The following ATP2B2 variants were observed in gnomAD, a reference collection of about 807,000 sequenced individuals.
The protein encoded by ATP2B2 is plasma membrane calcium-transporting ATPase 2.
A neutral mutation model predicts 120.0 loss-of-function variants in ATP2B2; 15 were observed. That is an observed-to-expected ratio of 0.12 (90% confidence interval 0.08 to 0.19). ATP2B2 has a LOEUF of 0.19. Among genes scored for constraint, ATP2B2 ranks in the 10% least tolerant of loss-of-function variants. The pLI, the probability that ATP2B2 is intolerant of heterozygous loss-of-function variation, is 1.00. For missense variants in ATP2B2, 1,045 were observed against 1,719.8 expected (o/e 0.61, Z 6.94); for synonymous variants, 694 against 700.3 (o/e 0.99, Z 0.14).
At chr3:10,662,315 T>A (rs1365471514) in intron 1 of ATP2B2, among the ~76,000 whole-genome samples, 1 of 151,702 alleles carries the variant, frequency 6.6e-6, no homozygotes, top group East Asian at 1.9e-4. Flanking sequence ...ACCTACAGAA[T>A]GGGAAAAAAT....
intron 2 of ATP2B2, among the ~76,000 whole-genome samples, chr3:10,541,050 AG>A (rs2067428164): frequency 6.6e-6 from 1 of 152,108 alleles, no homozygotes; most frequent in Admixed American, 6.6e-5. Flanking sequence ...TTATATGTGC[AG>A]AGTTGTTCAT....
At chr3:10,664,650 G>A (rs993061879) in intron 1 of ATP2B2, among the ~76,000 whole-genome samples, 2 of 152,140 alleles carry the variant, frequency 1.3e-5, no homozygotes, top group African/African-American at 4.8e-5. Context: ...CCTGGGATCT[G>A]GGTCTGTTGG....
chr3:10,383,190 G>A (rs2061580251), intron 8 of ATP2B2, among the ~76,000 whole-genome samples: 1 of 151,464 alleles, frequency 6.6e-6, no homozygotes, highest in African/African-American at 2.4e-5. Flanking sequence ...GAGCTCCCAG[G>A]TGATGTGCAG....
At chr3:10,431,710 T>C (rs1199465731) in intron 2 of ATP2B2, among the ~76,000 whole-genome samples, 2 of 151,548 alleles carry the variant, frequency 1.3e-5, no homozygotes, top group Non-Finnish European at 2.9e-5. Context: ...GTCTAGCACA[T>C]AGTAGGTGCT....
At chr3:10,501,029 C>G (rs987014817) in intron 1 of ATP2B2, among the ~76,000 whole-genome samples, 2 of 152,198 alleles carry the variant, frequency 1.3e-5, no homozygotes, top group Non-Finnish European at 2.9e-5. Flanking sequence ...ATGAGCCGGC[C>G]TGGGACCCAG....
chr3:10,374,535 G>A (rs1348302460), intron 11 of ATP2B2, among the ~76,000 whole-genome samples: 7 of 152,228 alleles, frequency 4.6e-5, no homozygotes. Flanking sequence ...ACATGGCCAC[G>A]CCTCCACCCT....
intron 2 of ATP2B2, among the ~76,000 whole-genome samples, chr3:10,441,150 T>G (rs2063650183): frequency 6.6e-6 from 1 of 152,110 alleles, no homozygotes; most frequent in African/African-American, 2.4e-5. Context: ...CTGGAAGGGG[T>G]TCCTCCTTCC....
chr3:10,512,977 G>T (rs561453216), intron 3 of ATP2B2, among the ~76,000 whole-genome samples: 438 of 152,272 alleles, frequency 2.9e-3, no homozygotes, highest in Non-Finnish European at 4.0e-3. Context: ...CTTCTCCATC[G>T]ACTTATTTAT....
chr3:10,413,431 C>G (rs925807572), intron 2 of ATP2B2, among the ~76,000 whole-genome samples: 3 of 152,240 alleles, frequency 2.0e-5, no homozygotes, highest in Non-Finnish European at 4.4e-5. Flanking sequence ...ATCCCATGTC[C>G]TGCATGCAGT....
intron 2 of ATP2B2, among the ~76,000 whole-genome samples, chr3:10,413,671 C>T (rs1300320657): frequency 6.6e-6 from 1 of 152,228 alleles, no homozygotes; most frequent in Non-Finnish European, 1.5e-5. Context: ...ATTCCAGGAA[C>T]CGCAGGAAGC....
chr3:10,340,461 C>G lies in ATP2B2; in HGVS notation c.3129+32G>C, dbSNP rs1472607038. 2 of 1,614,002 alleles carry G rather than the reference C, an allele frequency of 1.2e-6. No homozygotes were observed. The highest frequency in any genetic ancestry group is 3.3e-5 in the Admixed American group (2 of 60,008). On this transcript the variant is annotated intron_variant, in intron 20 of 22. Transcript: ENST00000360273. This position sits in a 1 kb window ranked among gnomAD's most constrained non-coding sequence, Gnocchi z 5.0. ...GGGGCTCCAGCCGCTTGCTGCCCACCCCGGGCCTGGTTAGGGTGGGGGCCT... is the reference window on the plus strand; with the variant it reads ...GGGGCTCCAGCCGCTTGCTGCCCACGCCGGGCCTGGTTAGGGTGGGGGCCT...
intron 5 of ATP2B2, among the ~76,000 whole-genome samples, chr3:10,396,439 T>C (rs921757315): frequency 3.3e-5 from 5 of 152,150 alleles, no homozygotes; most frequent in African/African-American, 1.2e-4. Context: ...GCTGAAACAG[T>C]GCATGAGATG....
intron 2 of ATP2B2, among the ~76,000 whole-genome samples, chr3:10,411,837 G>A (rs887396335): frequency 2.0e-5 from 3 of 152,206 alleles, no homozygotes; most frequent in Non-Finnish European, 2.9e-5. Context: ...TCCTCTTCTG[G>A]ACAAGGGAGT....
intron 2 of ATP2B2, among the ~76,000 whole-genome samples, chr3:10,602,697 T>C (rs2068956591): frequency 6.6e-6 from 1 of 152,228 alleles, no homozygotes; most frequent in African/African-American, 2.4e-5. Context: ...AATGGTGAAC[T>C]GATGAAAACA....
intron 9 of ATP2B2, 143 bp from the exon 10 acceptor site, chr3:10,378,553 G>T: frequency 8.8e-7 from 1 of 1,131,364 alleles, no homozygotes; most frequent in Non-Finnish European, 1.3e-6. Context: ...CGCATGGCTG[G>T]TGCAGAAGTC....
chr3:10,638,380 T>G (rs1305383431), intron 1 of ATP2B2, among the ~76,000 whole-genome samples: 2 of 152,146 alleles, frequency 1.3e-5, no homozygotes, highest in Non-Finnish European at 2.9e-5. Flanking sequence ...TGAAGTATAC[T>G]TTTGTAAGGC....
intron 1 of ATP2B2, among the ~76,000 whole-genome samples, chr3:10,502,542 G>C (rs911775781): frequency 6.6e-6 from 1 of 152,236 alleles, no homozygotes; most frequent in African/African-American, 2.4e-5. Context: ...AACACGGTGT[G>C]ACCTTGGACA....
chr3:10,443,465 G>A lies in ATP2B2; in HGVS notation c.199+5880C>T, dbSNP rs186536868. Among the ~76,000 whole-genome samples, 395 of 152,286 alleles carry A rather than the reference G, an allele frequency of 2.6e-3. 2 individuals carry two copies. Among genetic ancestry groups the A allele is most frequent in the African/African-American group, 8.9e-3 (371 of 41,554 alleles). On this transcript the variant is annotated intron_variant, in intron 2 of 22. Coordinates refer to ENST00000360273, the MANE Select transcript of ATP2B2 (RefSeq NM_001001331.4). Reference sequence around the variant, plus strand: ...TGACTATAAGTGGCCCAGTGAGAGCGTAGTCTGGGATTTTTAATGGGGCGG... The same window carrying A: ...TGACTATAAGTGGCCCAGTGAGAGCATAGTCTGGGATTTTTAATGGGGCGG...
chr3:10,568,244 G>A (rs1316044075), intron 2 of ATP2B2, among the ~76,000 whole-genome samples: 1 of 152,212 alleles, frequency 6.6e-6, no homozygotes, highest in Non-Finnish European at 1.5e-5. Context: ...GGAGGCCCAT[G>A]GGGTGCTTTC....
Sources: allele counts gnomAD v4.1 joint callset (sites outside exome capture counted in the v4.1 genomes callset), GRCh38; gene constraint gnomAD v4.1.1; non-coding constraint Gnocchi (gnomAD v3.1); transcripts MANE v1.5; gene names NCBI Gene and HGNC (gene_info 2026-07-23, HGNC 2026-07-21).